The following TRIM24 variants were observed in gnomAD, a reference collection of about 807,000 sequenced individuals.
TRIM24 encodes tripartite motif containing 24.
TRIM24 carries 29 observed loss-of-function variants against 123.9 expected under a neutral mutation model. The observed-to-expected ratio is 0.23, with a 90% CI of 0.17 to 0.32. TRIM24 has a LOEUF of 0.32. TRIM24 is among the 10% of genes least tolerant of loss of function. The pLI, the probability that TRIM24 is intolerant of heterozygous loss-of-function variation, is 1.00. For synonymous variants in TRIM24, 456 were observed against 461.1 expected (o/e 0.99, Z 0.14); for missense variants, 932 against 1,295.3 (o/e 0.72, Z 4.31).
intron 2 of TRIM24, among the ~76,000 whole-genome samples, chr7:138,508,682 T>TGCGC (rs1200648763): frequency 2.8e-4 from 13 of 47,118 alleles, no homozygotes; most frequent in Non-Finnish European, 4.6e-5. Flanking sequence ...TGTGTGTGTG[T>TGCGC]GTGTGTGTGT....
intron 7 of TRIM24, among the ~76,000 whole-genome samples, chr7:138,549,548 G>A (rs768199752): frequency 2.0e-5 from 3 of 152,148 alleles, no homozygotes; most frequent in Non-Finnish European, 4.4e-5. Flanking sequence ...ATGAAAAAAA[G>A]CATTTCCACG....
rs9690027 is a variant in TRIM24, at chr7:138,503,673, C to T, written c.365-617C>T. 5.2e-3 allele frequency among the ~76,000 whole-genome samples: 780 copies of T among 150,666 alleles called. 4 individuals are homozygous for T. The highest frequency in any genetic ancestry group is 0.018 in the African/African-American group (740 of 41,036). ...TAAGTTTTAGGGTACATGTGCACAA[C>T]GTGCAGGTTTGTTACATATGTATAC... is the stretch of plus-strand genomic sequence containing the variant. On this transcript the variant is annotated intron_variant, in intron 1 of 18. Transcript: ENST00000343526.
intron 12 of TRIM24, among the ~76,000 whole-genome samples, chr7:138,574,398 T>G (rs1167876642): frequency 6.6e-6 from 1 of 152,176 alleles, no homozygotes; most frequent in Non-Finnish European, 1.5e-5. Flanking sequence ...TGAACACAAT[T>G]TAAATGGGGA....
At chr7:138,500,334 C>A (rs940694114) in intron 1 of TRIM24, among the ~76,000 whole-genome samples, 1 of 151,634 alleles carries the variant, frequency 6.6e-6, no homozygotes, top group Non-Finnish European at 1.5e-5. Flanking sequence ...CTGAGACAGG[C>A]GGATTGCTTG....
At chr7:138,483,826 G>C (rs1795586130) in intron 1 of TRIM24, among the ~76,000 whole-genome samples, 1 of 152,124 alleles carries the variant, frequency 6.6e-6, no homozygotes, top group Non-Finnish European at 1.5e-5. Flanking sequence ...TGGCTTGTTT[G>C]AATAATTATA....
intron 10 of TRIM24, among the ~76,000 whole-genome samples, chr7:138,570,302 C>G (rs1179591377): frequency 1.3e-5 from 2 of 152,114 alleles, no homozygotes; most frequent in Non-Finnish European, 1.5e-5. Context: ...TGCTTCACCT[C>G]TATATACTTC....
At chr7:138,522,456 T>C (rs1174050064) in intron 4 of TRIM24, among the ~76,000 whole-genome samples, 1 of 152,282 alleles carries the variant, frequency 6.6e-6, no homozygotes, top group South Asian at 2.1e-4. Flanking sequence ...ACTGACCATA[T>C]GCTAAAGTCT....
At chr7:138,510,096 A>G (rs911216566) in intron 2 of TRIM24, among the ~76,000 whole-genome samples, 7 of 152,220 alleles carry the variant, frequency 4.6e-5, no homozygotes, top group African/African-American at 1.2e-4. Flanking sequence ...CCTGGGATGA[A>G]GCAGCATCAC....
chr7:138,470,123 ATTTTTTTTTTTTTTTT>A (rs10542175), intron 1 of TRIM24, among the ~76,000 whole-genome samples: 1 of 81,398 alleles, frequency 1.2e-5, no homozygotes, highest in African/African-American at 4.6e-5. Context: ...TACAAGTATA[ATTTTTTTTTTTTTTTT>A]TTTTTTTTTT....
chr7:138,582,895 G>A (rs1797932480), intron 17 of TRIM24, among the ~76,000 whole-genome samples: 2 of 152,178 alleles, frequency 1.3e-5, no homozygotes. Context: ...ACCCAAAAGA[G>A]GCAGGGTAAA....
chr7:138,559,185 C>A (rs1797375700), intron 9 of TRIM24, among the ~76,000 whole-genome samples: 1 of 152,096 alleles, frequency 6.6e-6, no homozygotes, highest in Admixed American at 6.5e-5. Context: ...AATAGGTTAC[C>A]TGGTTATGAG....
At chr7:138,469,113 A>C (rs950419679) in intron 1 of TRIM24, among the ~76,000 whole-genome samples, 7 of 152,196 alleles carry the variant, frequency 4.6e-5, no homozygotes, top group Admixed American at 4.6e-4. Context: ...TTGTCTCAGT[A>C]CTAGTTACTC....
At chr7:138,470,575 A>T (rs1220317682) in intron 1 of TRIM24, among the ~76,000 whole-genome samples, 1 of 152,218 alleles carries the variant, frequency 6.6e-6, no homozygotes, top group African/African-American at 2.4e-5. Flanking sequence ...GGGAAGTCCC[A>T]TATGGAGGCT....
At chr7:138,567,339 CT>C (rs1797554972) in intron 9 of TRIM24, 141 bp from the exon 10 acceptor site, 1 of 753,668 alleles carries the variant, frequency 1.3e-6, no homozygotes, top group Non-Finnish European at 1.9e-6. Flanking sequence ...TCCCCCACCC[CT>C]CATTCCCTTA....
intron 4 of TRIM24, among the ~76,000 whole-genome samples, chr7:138,520,110 G>A (rs907741983): frequency 1.3e-5 from 2 of 152,200 alleles, no homozygotes; most frequent in African/African-American, 2.4e-5. Context: ...GGCTAAGAAT[G>A]GTGGGGGCCT....
chr7:138,555,054 C>A, intron 9 of TRIM24, 88 bp downstream of exon 9: 7 of 1,354,528 alleles, frequency 5.2e-6, no homozygotes, highest in Non-Finnish European at 7.1e-6. Flanking sequence ...ATCCATTTTC[C>A]ATACTCTAAA....
chr7:138,508,346 A>G (rs1796194027), intron 2 of TRIM24, among the ~76,000 whole-genome samples: 1 of 152,110 alleles, frequency 6.6e-6, no homozygotes, highest in Non-Finnish European at 1.5e-5. Context: ...CCATATGTCC[A>G]TGTGTATGCT....
chr7:138,538,554 GT>G (rs1796939673), intron 6 of TRIM24, 102 bp from the exon 7 acceptor site: 1 of 1,235,898 alleles, frequency 8.1e-7, no homozygotes, highest in Admixed American at 2.0e-5. Context: ...AGTAAATTGA[GT>G]AATTAGAGAT....
chr7:138,563,186 C>G (rs533550447), intron 9 of TRIM24, among the ~76,000 whole-genome samples: 1 of 152,322 alleles, frequency 6.6e-6, no homozygotes, highest in Admixed American at 6.5e-5. Flanking sequence ...GAGAAGGAGC[C>G]TGGTCTGTCC....
Sources: allele counts gnomAD v4.1 joint callset (sites outside exome capture counted in the v4.1 genomes callset), GRCh38; gene constraint gnomAD v4.1.1; transcripts MANE v1.5; gene names NCBI Gene and HGNC (gene_info 2026-07-23, HGNC 2026-07-21).